Variants in UBA6 observed in about 807,000 individuals in gnomAD.
UBA6 encodes the protein ubiquitin-like modifier-activating enzyme 6.
Under a neutral mutation model 148.3 loss-of-function variants are expected in UBA6, and 87 were observed. That is an observed-to-expected ratio of 0.59 (90% confidence interval 0.49 to 0.70). The LOEUF is 0.70. UBA6 is among the 30% of genes least tolerant of loss of function. The probability of loss-of-function intolerance (pLI) is 0.00; values close to 1 mark genes in which losing one functional copy is unlikely to be tolerated. For synonymous variants in UBA6, 376 were observed against 401.0 expected, an observed-to-expected ratio of 0.94 and a Z score of 0.75; for missense variants, 1,186 against 1,241.2, an observed-to-expected ratio of 0.96 and a Z score of 0.67.
chr4:67,677,779 C>CA, intron 5 of UBA6, 57 bp from the exon 6 acceptor site: 1 of 882,950 alleles, frequency 1.1e-6, no homozygotes, highest in South Asian at 1.7e-5. Flanking sequence ...CAAATCTCTT[C>CA]AAGTTGGACA....
intron 9 of UBA6, among the ~76,000 whole-genome samples, chr4:67,666,229 CTATAT>C (rs1729992919): frequency 6.6e-6 from 1 of 151,976 alleles, no homozygotes; most frequent in Admixed American, 6.6e-5. Flanking sequence ...ACATTTTCAT[CTATAT>C]TATGACATAT....
intron 19 of UBA6, among the ~76,000 whole-genome samples, chr4:67,637,766 T>C (rs1390350066): frequency 6.6e-6 from 1 of 151,860 alleles, no homozygotes; most frequent in Admixed American, 6.6e-5. Context: ...TCATCACCAC[T>C]CCCTAATCTC....
chr4:67,676,377 A>T (rs995818541), intron 6 of UBA6, among the ~76,000 whole-genome samples: 2 of 152,180 alleles, frequency 1.3e-5, no homozygotes, highest in African/African-American at 4.8e-5. Flanking sequence ...CAGATCACAA[A>T]AGATAATAAA....
intron 2 of UBA6, among the ~76,000 whole-genome samples, chr4:67,692,014 A>G (rs1239837931): frequency 6.6e-6 from 1 of 152,224 alleles, no homozygotes; most frequent in Non-Finnish European, 1.5e-5. Context: ...ATAAAGCTGT[A>G]GAATTCTTTT....
chr4:67,696,539 A>G, intron 2 of UBA6, 106 bp downstream of exon 2: 4 of 793,206 alleles, frequency 5.0e-6, no homozygotes, highest in Non-Finnish European at 8.2e-6. Context: ...ACACACACAC[A>G]CACATATAAT....
intron 20 of UBA6, among the ~76,000 whole-genome samples, chr4:67,635,106 T>G (rs997507739): frequency 6.6e-6 from 1 of 152,138 alleles, no homozygotes; most frequent in African/African-American, 2.4e-5. Flanking sequence ...ATGACTCACT[T>G]TGTCTCAGCA....
In UBA6 at chr4:67,626,440, T is replaced by C. The variant is rs770626448; in HGVS notation, c.2438A>G (p.His813Arg). ...QTDETARKPD[H>R]VPISSEDERN... Reference sequence around the variant, plus strand: ...CTCATCTTCACTGCTAATAGGAACATGGTCTGGTTTCCTTGCAGTTTCATC... The same window carrying C: ...CTCATCTTCACTGCTAATAGGAACACGGTCTGGTTTCCTTGCAGTTTCATC... Residue 813 changes from histidine (H) to arginine (R), a missense_variant, in exon 28 of 33, where the codon CAT becomes CGT. By Grantham distance (29) the His-to-Arg change is conservative (BLOSUM62 0). Coordinates refer to ENST00000322244, the MANE Select transcript of UBA6 (RefSeq NM_018227.6). 40 of 1,611,248 alleles carry C rather than the reference T, an allele frequency of 2.5e-5. No individual in the cohort carries two copies. Among genetic ancestry groups the C allele is most frequent in the Non-Finnish European group, 3.4e-5 (40 of 1,178,262 alleles).
At chr4:67,646,148 T>C (rs1729417431) in intron 15 of UBA6, 132 bp from the exon 16 acceptor site, 2 of 462,128 alleles carry the variant, frequency 4.3e-6, no homozygotes, top group Non-Finnish European at 7.3e-6. Context: ...CCAATCTTAA[T>C]TGAAAAAGAA....
At chr4:67,683,955 T>C (rs1280965169) in intron 2 of UBA6, among the ~76,000 whole-genome samples, 1 of 152,084 alleles carries the variant, frequency 6.6e-6, no homozygotes, top group Admixed American at 6.5e-5. Context: ...TGCCTGCAGT[T>C]AAGTCCCAGC....
chr4:67,691,059 G>A (rs546246377), intron 2 of UBA6, among the ~76,000 whole-genome samples: 1 of 152,000 alleles, frequency 6.6e-6, no homozygotes, highest in South Asian at 2.1e-4. Flanking sequence ...AACAACATGG[G>A]TTTCAAACAC....
Position 67,630,510 on chromosome 4 carries a change from C to T in UBA6, c.2284G>A (p.Ala762Thr). ...PLHLSFLQNA[A>T]KLYATVYCIP... ...CAATATACTGTAGCATATAGTTTTGCAGCATTCTGAAGGAAACTGAGGTGC... is the reference window on the plus strand; with the variant it reads ...CAATATACTGTAGCATATAGTTTTGTAGCATTCTGAAGGAAACTGAGGTGC... Residue 762 changes from alanine to threonine, a missense_variant, in exon 26 of 33, where the codon GCA becomes ACA. Ala to Thr is a moderately conservative substitution (Grantham distance 58, BLOSUM62 0). Coordinates refer to ENST00000322244, the MANE Select transcript of UBA6 (RefSeq NM_018227.6). The T allele has an allele frequency of 1.9e-6, 3 of 1,587,350 alleles. No homozygotes were observed. The highest frequency in any genetic ancestry group is 2.7e-5 in the African/African-American group (2 of 74,266).
intron 2 of UBA6, among the ~76,000 whole-genome samples, chr4:67,690,770 TAAAAC>T (rs141552662): frequency 5.3e-5 from 8 of 151,612 alleles, no homozygotes; most frequent in Non-Finnish European, 7.4e-5. Flanking sequence ...ATGACCATTA[TAAAAC>T]AAAACAAAAC....
intron 2 of UBA6, among the ~76,000 whole-genome samples, chr4:67,687,682 A>G (rs1324772729): frequency 6.6e-6 from 1 of 152,230 alleles, no homozygotes; most frequent in Admixed American, 6.5e-5. Flanking sequence ...AATATGAACT[A>G]AGAAAAATCC....
intron 13 of UBA6, among the ~76,000 whole-genome samples, chr4:67,654,694 C>T (rs1729639583): frequency 6.6e-6 from 1 of 151,042 alleles, no homozygotes; most frequent in South Asian, 2.1e-4. Context: ...CAATATTAAC[C>T]TTAAATGTAA....
chr4:67,682,255 G>A (rs1288020267), intron 2 of UBA6, 42 bp from the exon 3 acceptor site: 2 of 1,458,174 alleles, frequency 1.4e-6, no homozygotes, highest in Non-Finnish European at 1.9e-6. Flanking sequence ...TTATTTCACT[G>A]AAATTATAAT....
In UBA6 at chr4:67,681,563, C is replaced by T; in HGVS notation, c.258G>A (p.Lys86=). ...IAKNLVLAGI[K]AVTIHDTEKC... ...TTTCTTACAGAGGACATTTACTTAC[C>T]TTAATCCCTGCAAGAACAAGATTCT... Residue 86 remains lysine (K), a splice_region_variant and synonymous_variant, in exon 4 of 33, where the codon AAG becomes AAA. Transcript: ENST00000322244. 6.3e-7 allele frequency: 1 copy of T among 1,575,762 alleles called. No individual in the cohort carries two copies. Among genetic ancestry groups the T allele is most frequent in the Non-Finnish European group, 8.6e-7 (1 of 1,167,090 alleles).
At chr4:67,650,020 T>C (rs977957401) in intron 13 of UBA6, among the ~76,000 whole-genome samples, 1 of 152,150 alleles carries the variant, frequency 6.6e-6, no homozygotes, top group African/African-American at 2.4e-5. Context: ...ACAAAATGGT[T>C]ACTACTTACT....
intron 6 of UBA6, among the ~76,000 whole-genome samples, chr4:67,676,185 G>A (rs563379868): frequency 4.6e-5 from 7 of 151,894 alleles, no homozygotes; most frequent in South Asian, 2.1e-4. Flanking sequence ...CACCACGCCC[G>A]GCTAATTTTT....
chr4:67,679,946 A>G (rs1157965858), intron 4 of UBA6, among the ~76,000 whole-genome samples: 2 of 152,188 alleles, frequency 1.3e-5, no homozygotes, highest in African/African-American at 4.8e-5. Flanking sequence ...GAACAATCTG[A>G]GCATCAATGA....
Sources: allele counts gnomAD v4.1 joint callset (sites outside exome capture counted in the v4.1 genomes callset), GRCh38; gene constraint gnomAD v4.1.1; transcripts MANE v1.5; gene names NCBI Gene and HGNC (gene_info 2026-07-23, HGNC 2026-07-21).